TTN: variants seen among roughly 807,000 people sequenced by gnomAD.
The protein encoded by TTN is titin.
A neutral mutation model predicts 3,223.0 loss-of-function variants in TTN; 1,525 were observed. That is an observed-to-expected ratio of 0.47 (90% confidence interval 0.45 to 0.49). The LOEUF is 0.49. TTN is among the 20% of genes least tolerant of loss of function. The pLI is 0.00. For missense variants in TTN, 40,786 were observed against 43,424.0 expected, an observed-to-expected ratio of 0.94 and a Z score of 5.40; for synonymous variants, 14,094 against 15,161.0, an observed-to-expected ratio of 0.93 and a Z score of 5.17.
In TTN at chr2:178,527,570, A is replaced by T. The variant is rs1436441986; in HGVS notation, c.107556T>A (p.Ser35852=). ...SMTEMKFASM[S]AQSMSSMQES... is the part of the protein sequence containing the mutation. Reference sequence around the variant, plus strand: ...CTTGCATGGAGGACATGCTTTGGGCAGACATGCTTGCAAATTTCATCTCAG... The same window carrying T: ...CTTGCATGGAGGACATGCTTTGGGCTGACATGCTTGCAAATTTCATCTCAG... Residue 35852 remains serine, a synonymous_variant, in exon 362 of 363, where the codon TCT becomes TCA. Transcript: ENST00000589042. 1 of 1,614,040 alleles carries T rather than the reference A, an allele frequency of 6.2e-7. No homozygotes were observed. Among genetic ancestry groups the T allele is most frequent in the Admixed American group, 1.7e-5 (1 of 60,032 alleles).
intron 250 of TTN, chr2:178,619,127 GT>G: frequency 2.1e-6 from 1 of 475,306 alleles, no homozygotes; most frequent in Non-Finnish European, 3.7e-6. Flanking sequence ...ACTCAGTGTA[GT>G]GCAAAACATG....
chr2:178,596,071 A>T (rs762186132), intron 294 of TTN, among the ~76,000 whole-genome samples: 3 of 149,020 alleles, frequency 2.0e-5, no homozygotes, highest in Non-Finnish European at 3.0e-5. Flanking sequence ...GCTCACTGCA[A>T]CCTCCGCTTC....
In TTN at chr2:178,794,249, A is replaced by G; in HGVS notation, c.1398+150T>C. 2.7e-5 allele frequency: 32 copies of G among 1,186,278 alleles called. No individual in the cohort carries two copies. In the South Asian group the frequency reaches 3.8e-4, roughly 14 times the overall value. 73.5% of individuals were successfully genotyped at this position (1,186,278 alleles called of 1,614,324 possible). A position where few individuals can be genotyped will look rare whatever the true frequency, so the allele number is the denominator to read the frequency against. Reference sequence around the variant, plus strand: ...CATCTCCGACCACCTTTTGCTCAGAAAGTTCTAAAAGTCTGGGCCCTGCTG... The same window carrying G: ...CATCTCCGACCACCTTTTGCTCAGAGAGTTCTAAAAGTCTGGGCCCTGCTG... On this transcript the variant is annotated intron_variant, in intron 8 of 362. Coordinates refer to ENST00000589042, the MANE Select transcript of TTN (RefSeq NM_001267550.2).
intron 255 of TTN, 46 bp from the exon 256 acceptor site, chr2:178,617,059 C>T (rs762740082): frequency 1.2e-6 from 2 of 1,610,736 alleles, no homozygotes; most frequent in South Asian, 2.2e-5. Context: ...ATATTTAAGT[C>T]CCTGTTGCCC....
Position 178,682,907 on chromosome 2 carries a change from A to C in TTN, c.32888-4T>G. On this transcript the variant is annotated splice_polypyrimidine_tract_variant and splice_region_variant and intron_variant, in intron 134 of 362. Transcript: ENST00000589042. ...TTCTCTTCCATTATAGTTACTTCTG[A>C]AACAATATTAACAACAGGCAGCACT... 6.3e-7 allele frequency: 1 copy of C among 1,591,030 alleles called. No individual in the cohort carries two copies. The highest frequency in any genetic ancestry group is 1.9e-4 in the Middle Eastern group (1 of 5,364).
chr2:178,797,681 G>A (rs1275493407), intron 6 of TTN, among the ~76,000 whole-genome samples: 1 of 151,964 alleles, frequency 6.6e-6, no homozygotes, highest in South Asian at 2.1e-4. Context: ...TATGTTTATT[G>A]TGATACTTTT....
At position 178,715,581 on chromosome 2, in the gene TTN, A is replaced by T; in HGVS notation, c.25833T>A (p.Asn8611Lys). 6.2e-7 allele frequency: 1 copy of T among 1,613,654 alleles called. No individual in the cohort carries two copies. The change falls in exon 89 of 363, where the codon AAT becomes AAA. Residue 8611 changes from asparagine (N) to lysine (K), a missense_variant. Physicochemically the swap from Asn to Lys is moderately conservative, Grantham distance 94. Coordinates refer to ENST00000589042, the MANE Select transcript of TTN (RefSeq NM_001267550.2). ...AGTCTCCACTGTCTTCAACACTGAG[A>T]TTGTGCATTTCCAGCACAGCCACCG... is the stretch of plus-strand genomic sequence containing the variant. ...VDSVAVLEMH[N>K]LSVEDSGDYT...
At chr2:178,660,375 A>G (rs1242146349) in intron 180 of TTN, among the ~76,000 whole-genome samples, 1 of 45,694 alleles carries the variant, frequency 2.2e-5, no homozygotes, top group Admixed American at 2.4e-4. Context: ...ATAATACCAC[A>G]CATCTGCAAC....
At chr2:178,687,816 G>A (rs1044802885) in intron 127 of TTN, among the ~76,000 whole-genome samples, 3 of 152,122 alleles carry the variant, frequency 2.0e-5, no homozygotes, top group Admixed American at 2.0e-4. Context: ...TTAATGAAAG[G>A]ATATATGTAT....
Position 178,587,225 on chromosome 2 carries a change from TTGGTTACA to T in TTN, c.63978_63985del (p.His21326GlnfsTer7). On this transcript the variant is annotated frameshift_variant, in exon 307 of 363. Coordinates refer to ENST00000589042, the MANE Select transcript of TTN (RefSeq NM_001267550.2). LOFTEE classifies it high-confidence loss of function. ...GTAATACTCATTCCCAGGGACAAGA[TTGGTTACA>T]TGGAAGCTTGTTTTCTTAACTTCTG... 6.2e-7 allele frequency: 1 copy of T among 1,613,224 alleles called. No individual in the cohort carries two copies. Among genetic ancestry groups the T allele is most frequent in the Non-Finnish European group, 8.5e-7 (1 of 1,179,464 alleles).
At position 178,651,661 on chromosome 2, in the gene TTN, A is replaced by T. The variant is rs1279866027; in HGVS notation, c.39463+5T>A. The T allele has an allele frequency of 6.2e-7, 1 of 1,613,084 alleles. No homozygotes were observed. Among genetic ancestry groups the T allele is most frequent in the Non-Finnish European group, 8.5e-7 (1 of 1,179,530 alleles). On this transcript the variant is annotated splice_donor_5th_base_variant and intron_variant, in intron 206 of 362. Coordinates refer to ENST00000589042, the MANE Select transcript of TTN (RefSeq NM_001267550.2). ...TGTTAGGGAGTTAGTGGCAGTGAGGAATACCTTTCACTGGTGGTAGTTCAG... is the reference window on the plus strand; with the variant it reads ...TGTTAGGGAGTTAGTGGCAGTGAGGTATACCTTTCACTGGTGGTAGTTCAG...
In TTN at chr2:178,652,868, G is replaced by C; in HGVS notation, c.38939C>G (p.Pro12980Arg). The stretch of plus-strand genomic sequence containing the variant: ...AATACCTTTAACAGGAGGGACTTCA[G>C]GCTTTTTAGGAGGAGCCAAGGGCAT... ...KKMPLAPPKKPEVPPVKVPEA... is the reference protein window; with the variant it reads ...KKMPLAPPKKREVPPVKVPEA... Residue 12980 changes from proline to arginine, a missense_variant, in exon 200 of 363, where the codon CCT (proline) becomes CGT (arginine). Transcript: ENST00000589042. 1.2e-6 allele frequency: 2 copies of C among 1,611,876 alleles called. No homozygotes were observed. The highest frequency in any genetic ancestry group is 2.7e-5 in the African/African-American group (2 of 74,800).
In TTN at chr2:178,730,159, T is replaced by C; in HGVS notation, c.18241A>G (p.Thr6081Ala). ...LFAAKATDSG[T>A]YICQLSNDVG... is the part of the protein sequence containing the mutation. ...TCATTGCTTAGTTGGCAAATGTAGGTTCCAGAATCGGTAGCTTTGGCTGCA... is the reference window on the plus strand; with the variant it reads ...TCATTGCTTAGTTGGCAAATGTAGGCTCCAGAATCGGTAGCTTTGGCTGCA... The change falls in exon 62 of 363, where the codon ACC becomes GCC. Residue 6081 changes from threonine (T) to alanine (A), a missense_variant. Thr to Ala is a moderately conservative substitution (Grantham distance 58). Coordinates refer to ENST00000589042, the MANE Select transcript of TTN (RefSeq NM_001267550.2). 4 of 1,613,384 alleles carry C rather than the reference T, an allele frequency of 2.5e-6. No homozygotes were observed. Among genetic ancestry groups the C allele is most frequent in the Non-Finnish European group, 2.5e-6 (3 of 1,179,636 alleles).
chr2:178,750,048 T>G (rs1561018217), intron 47 of TTN: 1 of 1,613,232 alleles, frequency 6.2e-7, no homozygotes, highest in Non-Finnish European at 8.5e-7. Context: ...TTAGACTCTT[T>G]ATCCTGTTCT....
At position 178,722,399 on chromosome 2, in the gene TTN, T is replaced by C; in HGVS notation, c.22388A>G (p.Glu7463Gly). ...YRDGVLLRDD[E>G]NLQTSFVDNV... Reference sequence around the variant, plus strand: ...ATCTACAAATGAAGTCTGTAGATTTTCATCGTCTCTTAAAAGTACTCCATC... The same window carrying C: ...ATCTACAAATGAAGTCTGTAGATTTCCATCGTCTCTTAAAAGTACTCCATC... Residue 7463 changes from glutamate (E) to glycine (G), a missense_variant, in exon 77 of 363, where the codon GAA (glutamate) becomes GGA (glycine). By Grantham distance (98) the Glu-to-Gly change is moderately conservative (BLOSUM62 -2). Transcript: ENST00000589042. 1 of 1,613,476 alleles carries C rather than the reference T, an allele frequency of 6.2e-7. No individual in the cohort carries two copies. Among genetic ancestry groups the C allele is most frequent in the Non-Finnish European group, 8.5e-7 (1 of 1,179,558 alleles).
At position 178,790,078 on chromosome 2, in the gene TTN, A is replaced by G. The variant is rs868854127; in HGVS notation, c.1838T>C (p.Val613Ala). ...KETRKTVVPK[V>A]IVATPKVKEQ... ...TTTGACTTTGGGTGTGGCAACTATG[A>G]CTTTAGGTACAACTGTTTTCCTAGT... is the stretch of plus-strand genomic sequence containing the variant. Residue 613 changes from valine to alanine, a missense_variant, in exon 12 of 363, where the codon GTC becomes GCC. Physicochemically the swap from Val to Ala is moderately conservative, Grantham distance 64. Transcript: ENST00000589042. The G allele has an allele frequency of 1.2e-6, 2 of 1,612,996 alleles. No individual in the cohort carries two copies. The highest frequency in any genetic ancestry group is 2.7e-5 in the African/African-American group (2 of 74,888).
rs779172234 is a variant in TTN at position 178,552,205 on chromosome 2, A to G, written c.90695T>C (p.Ile30232Thr). The change falls in exon 335 of 363, where the codon ATT becomes ACT. Residue 30232 changes from isoleucine (I) to threonine (T), a missense_variant. Physicochemically the swap from Ile to Thr is moderately conservative, Grantham distance 89. Transcript: ENST00000589042. ...ATCAGCCTTGATTTCATCAAATCGA[A>G]TGGGTCCTTTGGGCTTTGATGGTGG... ...LGPPSKPKGP[I>T]RFDEIKADSV... 5 of 1,613,570 alleles carry G rather than the reference A, an allele frequency of 3.1e-6. No individual in the cohort carries two copies. In the South Asian group the frequency reaches 5.5e-5, roughly 18 times the overall value.
intron 121 of TTN, among the ~76,000 whole-genome samples, chr2:178,691,484 G>A (rs1263300284): frequency 6.6e-6 from 1 of 152,160 alleles, no homozygotes; most frequent in Non-Finnish European, 1.5e-5. Context: ...AGAAAATGGT[G>A]AAAGTAAACT....
In TTN at chr2:178,532,046, G is replaced by C. The variant is rs1195955576; in HGVS notation, c.104569C>G (p.Leu34857Val). Residue 34857 changes from leucine (L) to valine (V), a missense_variant, in exon 358 of 363, where the codon CTG (leucine) becomes GTG (valine). By Grantham distance (32) the Leu-to-Val change is conservative. Coordinates refer to ENST00000589042, the MANE Select transcript of TTN (RefSeq NM_001267550.2). ...GCCGGTTGTGGACGTGACCGGATCA[G>C]CTCAGACACTGGCCTCATTAACTCA... is the stretch of plus-strand genomic sequence containing the variant. Reference protein sequence around the residue: ...YIELMRPVSELIRSRPQPAEE... With the variant: ...YIELMRPVSEVIRSRPQPAEE... The C allele has an allele frequency of 1.2e-6, 2 of 1,613,812 alleles. No homozygotes were observed. Among genetic ancestry groups the C allele is most frequent in the Non-Finnish European group, 1.7e-6 (2 of 1,179,862 alleles).
Sources: gnomAD v4.1 joint callset for allele counts (sites outside exome capture counted in the v4.1 genomes callset) on GRCh38, gnomAD v4.1.1 for gene constraint, MANE v1.5 for transcripts, NCBI Gene and HGNC (gene_info 2026-07-23, HGNC 2026-07-21) for gene names.